The following EIF4E variants were observed in gnomAD, a reference collection of about 807,000 sequenced individuals.
EIF4E encodes the protein eIF-4F 25 kDa subunit.
For synonymous variants in EIF4E, 71 were observed against 88.5 expected (o/e 0.80, Z 1.11); for missense variants, 113 against 265.6 (o/e 0.43, Z 3.99).
intron 2 of EIF4E, among the ~76,000 whole-genome samples, chr4:98,894,186 T>A (rs746914621): frequency 6.6e-6 from 1 of 152,156 alleles, no homozygotes; most frequent in Non-Finnish European, 1.5e-5. Flanking sequence ...ATGGGCAGAG[T>A]GGATTTAGCA....
intron 1 of EIF4E, among the ~76,000 whole-genome samples, chr4:98,913,098 C>T (rs578216841): frequency 5.3e-5 from 8 of 151,796 alleles, no homozygotes; most frequent in African/African-American, 1.4e-4. Flanking sequence ...ATCCCAGCTA[C>T]GTGGGAGGCT....
At chr4:98,917,404 A>G (rs1160989795) in intron 1 of EIF4E, among the ~76,000 whole-genome samples, 1 of 152,052 alleles carries the variant, frequency 6.6e-6, no homozygotes, top group Non-Finnish European at 1.5e-5. Flanking sequence ...GTTTCCCAGG[A>G]CATGTCCATG....
At chr4:98,923,096 C>G (rs1189746905) in intron 1 of EIF4E, among the ~76,000 whole-genome samples, 1 of 151,472 alleles carries the variant, frequency 6.6e-6, no homozygotes, top group Non-Finnish European at 1.5e-5. Flanking sequence ...GGTGATCCGC[C>G]CACCTCAGCC....
chr4:98,881,166 A>C, intron 6 of EIF4E, 24 bp from the exon 7 acceptor site: 1 of 1,608,162 alleles, frequency 6.2e-7, no homozygotes, highest in Non-Finnish European at 8.5e-7. Context: ...AAAAAGAAGA[A>C]GAAAAAAGTA....
intron 1 of EIF4E, among the ~76,000 whole-genome samples, chr4:98,927,378 G>A (rs749966022): frequency 6.6e-5 from 10 of 151,994 alleles, no homozygotes; most frequent in Non-Finnish European, 1.2e-4. Context: ...TAAAAGTGCC[G>A]GGTGCTGTGG....
intron 1 of EIF4E, among the ~76,000 whole-genome samples, chr4:98,915,654 C>G (rs953866349): frequency 6.6e-6 from 1 of 151,658 alleles, no homozygotes; most frequent in Non-Finnish European, 1.5e-5. Flanking sequence ...AATTCTCCTG[C>G]CTCAACCTCC....
At chr4:98,900,230 T>G (rs1208111472) in intron 2 of EIF4E, among the ~76,000 whole-genome samples, 1 of 152,120 alleles carries the variant, frequency 6.6e-6, no homozygotes, top group Non-Finnish European at 1.5e-5. Context: ...CTCTAACGAA[T>G]TGTTCAACCT....
chr4:98,914,530 T>C (rs1264967055), intron 1 of EIF4E, among the ~76,000 whole-genome samples: 1 of 151,832 alleles, frequency 6.6e-6, no homozygotes, highest in East Asian at 1.9e-4. Flanking sequence ...TAAATGTATA[T>C]TACTAAGTGA....
intron 1 of EIF4E, chr4:98,903,496 G>A: frequency 2.2e-6 from 1 of 455,634 alleles, no homozygotes; most frequent in South Asian, 1.6e-5. Context: ...TAGGCACCAT[G>A]ATACCTGGCT....
intron 5 of EIF4E, chr4:98,886,387 C>T (rs564986287): frequency 9.5e-5 from 38 of 398,894 alleles, no homozygotes; most frequent in Non-Finnish European, 1.5e-4. Flanking sequence ...AATGGTAGTA[C>T]ACAACAATTT....
chr4:98,923,978 A>G (rs1193078617), intron 1 of EIF4E, among the ~76,000 whole-genome samples: 3 of 152,206 alleles, frequency 2.0e-5, no homozygotes, highest in Non-Finnish European at 4.4e-5. Context: ...AGATATTAAG[A>G]TGAGACTATA....
chr4:98,911,438 G>C (rs1306956669), intron 1 of EIF4E, among the ~76,000 whole-genome samples: 1 of 148,554 alleles, frequency 6.7e-6, no homozygotes, highest in Non-Finnish European at 1.5e-5. Flanking sequence ...GGCGGGTGGA[G>C]CATCTGAGGT....
chr4:98,891,607 AG>A, intron 2 of EIF4E: 1 of 379,668 alleles, frequency 2.6e-6, no homozygotes, highest in South Asian at 4.0e-5. Context: ...ATGAGGTATA[AG>A]AAGTCAAATT....
At chr4:98,918,358 T>C (rs887270357) in intron 1 of EIF4E, among the ~76,000 whole-genome samples, 1 of 140,902 alleles carries the variant, frequency 7.1e-6, no homozygotes, top group African/African-American at 2.7e-5. Context: ...AGCTCCGTCT[T>C]GGAAAAAAAA....
At chr4:98,917,713 G>A (rs1355445981) in intron 1 of EIF4E, among the ~76,000 whole-genome samples, 7 of 152,126 alleles carry the variant, frequency 4.6e-5, no homozygotes, top group Non-Finnish European at 8.8e-5. Context: ...ATGTGATCAC[G>A]GGAGTATTAA....
intron 1 of EIF4E, among the ~76,000 whole-genome samples, chr4:98,916,851 A>G (rs768256692): frequency 1.1e-4 from 16 of 152,104 alleles, no homozygotes; most frequent in Non-Finnish European, 2.1e-4. Context: ...TGAGATAAGA[A>G]ACCAAATAAC....
At chr4:98,888,038 G>T in intron 3 of EIF4E, 86 bp from the exon 4 acceptor site, 1 of 1,142,886 alleles carries the variant, frequency 8.7e-7, no homozygotes, top group Non-Finnish European at 1.3e-6. Flanking sequence ...TAGAACATAT[G>T]ATGAAAATAA....
chr4:98,921,300 C>T (rs1725636948), intron 1 of EIF4E, among the ~76,000 whole-genome samples: 1 of 152,164 alleles, frequency 6.6e-6, no homozygotes, highest in Non-Finnish European at 1.5e-5. Context: ...CATAGGCTTA[C>T]TGCCCCATAA....
chr4:98,919,066 T>C (rs902439509), intron 1 of EIF4E, among the ~76,000 whole-genome samples: 3 of 152,060 alleles, frequency 2.0e-5, no homozygotes, highest in Admixed American at 2.0e-4. Context: ...CCCAGCACTT[T>C]GGGAGGCTGA....
Sources: gnomAD v4.1 joint callset for allele counts (sites outside exome capture counted in the v4.1 genomes callset) on GRCh38, gnomAD v4.1.1 for gene constraint, MANE v1.5 for transcripts, NCBI Gene and HGNC (gene_info 2026-07-23, HGNC 2026-07-21) for gene names.